The following TRPC5 variants were observed in gnomAD, a reference collection of about 807,000 sequenced individuals.
The protein encoded by TRPC5 is short transient receptor potential channel 5.
In TRPC5, 9 loss-of-function variants were observed where a neutral mutation model predicts 56.5. The ratio of observed to expected loss-of-function variants is 0.16; its 90% CI spans 0.10 to 0.28. The LOEUF is 0.28. Among genes scored for constraint, TRPC5 ranks in the 10% least tolerant of loss-of-function variants. The probability of loss-of-function intolerance (pLI) is 1.00; values close to 1 mark genes in which losing one functional copy is unlikely to be tolerated. For synonymous variants in TRPC5, 282 were observed against 278.5 expected, an observed-to-expected ratio of 1.01 and a Z score of -0.13; for missense variants, 469 against 748.9, an observed-to-expected ratio of 0.63 and a Z score of 4.36.
chrX:111,930,736 T>G (rs1926388024), intron 2 of TRPC5: 1 of 112,004 alleles, frequency 8.9e-6, no homozygotes, highest in Non-Finnish European at 1.9e-5. Context: ...GTAGCTAGCC[T>G]GCAGCTATTT....
chrX:112,008,725 C>T (rs760252244), intron 1 of TRPC5, among the ~76,000 whole-genome samples: 10 of 111,631 alleles, frequency 9.0e-5, no homozygotes, highest in Non-Finnish European at 7.5e-5. Flanking sequence ...TTTTTCTAGG[C>T]ATAATAATAA....
chrX:112,065,077 CA>C (rs61593071), intron 1 of TRPC5, among the ~76,000 whole-genome samples: 83 of 46,341 alleles, frequency 1.8e-3, no homozygotes, highest in Admixed American at 4.9e-3. Context: ...GACTACGTCT[CA>C]AAAAAAAAAA....
rs192975676 is a variant in TRPC5, at chrX:111,960,880, C to T, written c.-21-8439G>A. Among the ~76,000 whole-genome samples, 582 of 111,124 alleles carry T rather than the reference C, an allele frequency of 5.2e-3. 5 individuals carry two copies. The highest frequency in any genetic ancestry group is 0.016 in the African/African-American group (477 of 30,592). ...GTTGCCCAGTGCAGTGGTGCGATCTCGGCTCACTACAACCTCCATCTCCCA... is the reference window on the plus strand; with the variant it reads ...GTTGCCCAGTGCAGTGGTGCGATCTTGGCTCACTACAACCTCCATCTCCCA... On this transcript the variant is annotated intron_variant, in intron 1 of 10. Transcript: ENST00000262839.
intron 1 of TRPC5, among the ~76,000 whole-genome samples, chrX:112,004,851 G>T (rs1928792405): frequency 1.8e-5 from 2 of 110,900 alleles, no homozygotes; most frequent in Admixed American, 9.6e-5. Context: ...AAATAAACAG[G>T]GTCATATTGG....
intron 1 of TRPC5, among the ~76,000 whole-genome samples, chrX:111,960,533 T>G (rs761144255): frequency 2.8e-4 from 31 of 112,269 alleles, no homozygotes; most frequent in Non-Finnish European, 4.7e-4. Flanking sequence ...CTGCGTGATA[T>G]TCTTTGAAGT....
At chrX:111,875,534 G>A (rs968173557) in intron 3 of TRPC5, among the ~76,000 whole-genome samples, 1 of 104,238 alleles carries the variant, frequency 9.6e-6, no homozygotes, top group Non-Finnish European at 2.0e-5. Context: ...GGCCCAGGAA[G>A]AAAGTCCCCA....
chrX:111,785,598 G>A (rs1290071611), intron 7 of TRPC5, among the ~76,000 whole-genome samples: 1 of 111,486 alleles, frequency 9.0e-6, no homozygotes, highest in African/African-American at 3.3e-5. Flanking sequence ...TCAGAAGGTC[G>A]GTAATAACAA....
intron 7 of TRPC5, among the ~76,000 whole-genome samples, chrX:111,815,152 C>T (rs1371735548): frequency 8.9e-6 from 1 of 111,733 alleles, no homozygotes; most frequent in African/African-American, 3.3e-5. Flanking sequence ...CATATGAAAA[C>T]TCAAGAAGAA....
intron 1 of TRPC5, among the ~76,000 whole-genome samples, chrX:111,988,101 A>G (rs1345986372): frequency 8.9e-6 from 1 of 112,626 alleles, no homozygotes; most frequent in East Asian, 2.8e-4. Context: ...AACATTTACC[A>G]GAACACCACT....
chrX:111,925,673 T>C (rs927793622), intron 2 of TRPC5, among the ~76,000 whole-genome samples: 4 of 111,988 alleles, frequency 3.6e-5, no homozygotes, highest in African/African-American at 6.5e-5. Flanking sequence ...TTTTCCCAAA[T>C]TGAAGAATTG....
intron 7 of TRPC5, among the ~76,000 whole-genome samples, chrX:111,788,134 C>A (rs1013276343): frequency 3.6e-5 from 4 of 111,911 alleles, no homozygotes; most frequent in Non-Finnish European, 5.6e-5. Context: ...AGACCAATAT[C>A]CCTGATGAAC....
chrX:111,776,206 C>T lies in TRPC5; in HGVS notation c.*107G>A, dbSNP rs868820421. ...TGGTGCAAATAAGAGTTTCACTCTCCTTTCTGGGGGGCAGGGGCAGTGAGG... is the reference window on the plus strand; with the variant it reads ...TGGTGCAAATAAGAGTTTCACTCTCTTTTCTGGGGGGCAGGGGCAGTGAGG... On this transcript the variant is annotated 3_prime_UTR_variant, in exon 11 of 11. Coordinates refer to ENST00000262839, the MANE Select transcript of TRPC5 (RefSeq NM_012471.3). The T allele has an allele frequency of 1.5e-5, 12 of 791,916 alleles. No individual in the cohort carries two copies. Among genetic ancestry groups the T allele is most frequent in the Non-Finnish European group, 1.9e-5 (11 of 568,042 alleles). The allele number at this position is 791,916 out of a possible 1,213,427, so 65.3% of individuals were successfully genotyped here.
At chrX:112,001,526 G>A (rs768203648) in intron 1 of TRPC5, among the ~76,000 whole-genome samples, 2 of 112,072 alleles carry the variant, frequency 1.8e-5, no homozygotes, top group East Asian at 5.6e-4. Context: ...TTGGGAGGCC[G>A]AGCTGGGCAG....
chrX:111,986,795 G>A (rs1928223657), intron 1 of TRPC5, among the ~76,000 whole-genome samples: 1 of 111,535 alleles, frequency 9.0e-6, no homozygotes, highest in Non-Finnish European at 1.9e-5. Flanking sequence ...TACAAAGCTG[G>A]AAGTTTAACT....
At chrX:111,812,201 C>G (rs1339998601) in intron 7 of TRPC5, among the ~76,000 whole-genome samples, 1 of 108,476 alleles carries the variant, frequency 9.2e-6, no homozygotes, top group Non-Finnish European at 1.9e-5. Flanking sequence ...TAAAAATTTT[C>G]TAAAGGTTTT....
intron 1 of TRPC5, among the ~76,000 whole-genome samples, chrX:111,994,004 T>G (rs1032236621): frequency 1.6e-3 from 180 of 112,273 alleles, no homozygotes; most frequent in African/African-American, 5.2e-3. Flanking sequence ...TGGTATTGCC[T>G]AGGTTTTCTT....
intron 6 of TRPC5, among the ~76,000 whole-genome samples, chrX:111,845,093 C>T (rs1395295645): frequency 1.8e-5 from 2 of 109,869 alleles, no homozygotes; most frequent in African/African-American, 6.6e-5. Context: ...TAAAAACTAG[C>T]CAGGCATGGT....
chrX:111,876,227 C>T (rs958884596), intron 3 of TRPC5: 2 of 110,656 alleles, frequency 1.8e-5, no homozygotes, highest in African/African-American at 6.6e-5. Flanking sequence ...TTTCTGGTAG[C>T]CATCTTTTTC....
intron 10 of TRPC5, among the ~76,000 whole-genome samples, chrX:111,778,274 A>G (rs1945894028): frequency 9.0e-6 from 1 of 111,494 alleles, no homozygotes; most frequent in Non-Finnish European, 1.9e-5. Context: ...CTGCACATGT[A>G]TCCCAGAACT....
Sources: allele counts gnomAD v4.1 joint callset (sites outside exome capture counted in the v4.1 genomes callset), GRCh38; gene constraint gnomAD v4.1.1; transcripts MANE v1.5; gene names NCBI Gene and HGNC (gene_info 2026-07-23, HGNC 2026-07-21).